Variants in GPC6 observed in about 807,000 individuals in gnomAD.
The protein encoded by GPC6 is glypican-6.
GPC6 carries 14 observed loss-of-function variants against 55.2 expected under a neutral mutation model. The ratio of observed to expected loss-of-function variants is 0.25; its 90% CI spans 0.17 to 0.40. The LOEUF (loss-of-function observed/expected upper bound fraction) is 0.40, where lower values mean the gene tolerates loss of function less well. GPC6 is among the 10% of genes least tolerant of loss of function. GPC6 has a pLI of 1.00. For synonymous variants in GPC6, 278 were observed against 259.6 expected, an observed-to-expected ratio of 1.07 and a Z score of -0.68; for missense variants, 641 against 708.5, an observed-to-expected ratio of 0.90 and a Z score of 1.08.
intron 4 of GPC6, among the ~76,000 whole-genome samples, chr13:94,093,514 T>C (rs1256909260): frequency 6.6e-6 from 1 of 152,126 alleles, no homozygotes; most frequent in Non-Finnish European, 1.5e-5. Context: ...AACTCAGTAG[T>C]ATATTTTGAA....
At chr13:94,313,400 G>A (rs771500088) in intron 6 of GPC6, among the ~76,000 whole-genome samples, 7 of 152,220 alleles carry the variant, frequency 4.6e-5, no homozygotes, top group Non-Finnish European at 5.9e-5. Flanking sequence ...CCAATGGGCA[G>A]TGAACTATTT....
intron 3 of GPC6, among the ~76,000 whole-genome samples, chr13:93,881,521 T>G (rs1239663309): frequency 1.3e-5 from 2 of 151,998 alleles, no homozygotes; most frequent in African/African-American, 2.4e-5. Flanking sequence ...CAAGCAGCCT[T>G]GGTTTGTTTT....
intron 1 of GPC6, among the ~76,000 whole-genome samples, chr13:93,260,532 T>C (rs1328371): frequency 0.58 from 88,087 of 151,868 alleles, 26,271 homozygotes; most frequent in African/African-American, 0.7. Flanking sequence ...GAATGTCTGT[T>C]TTAATTGTTC....
At chr13:94,362,888 T>C (rs1256687796) in intron 6 of GPC6, among the ~76,000 whole-genome samples, 1 of 152,210 alleles carries the variant, frequency 6.6e-6, no homozygotes, top group Non-Finnish European at 1.5e-5. Context: ...AAAAACTTTA[T>C]TTTACTTTAA....
intron 1 of GPC6, among the ~76,000 whole-genome samples, chr13:93,353,277 G>T (rs1195100231): frequency 2.6e-5 from 4 of 152,140 alleles, no homozygotes; most frequent in African/African-American, 9.7e-5. Context: ...GGGATTAGAT[G>T]CCTTCACCTG....
In GPC6 at chr13:93,760,507, G is replaced by A. The variant is rs187750784; in HGVS notation, c.320-69647G>A. 9.2e-5 allele frequency among the ~76,000 whole-genome samples: 14 copies of A among 152,250 alleles called. No homozygotes were observed. The East Asian group carries it at 1.9e-3, about 21-fold the overall frequency. On this transcript the variant is annotated intron_variant, in intron 2 of 8. Coordinates refer to ENST00000377047, the MANE Select transcript of GPC6 (RefSeq NM_005708.5). ...CAGGCAACTTCAAGCTTCAGAGCTC[G>A]GAGGGCATCCAGAGCATGGCCTGCA...
At chr13:94,376,670 G>A (rs1161001167) in intron 6 of GPC6, among the ~76,000 whole-genome samples, 1 of 152,056 alleles carries the variant, frequency 6.6e-6, no homozygotes, top group African/African-American at 2.4e-5. Context: ...AGCTACCAAT[G>A]ACTTCCTTCA....
intron 1 of GPC6, among the ~76,000 whole-genome samples, chr13:93,345,673 T>A (rs1367917071): frequency 1.3e-5 from 2 of 152,200 alleles, no homozygotes; most frequent in Non-Finnish European, 2.9e-5. Flanking sequence ...GAATGCATAA[T>A]GCATGCAATA....
intron 1 of GPC6, among the ~76,000 whole-genome samples, chr13:93,509,692 A>C (rs1880872647): frequency 6.6e-6 from 1 of 152,242 alleles, no homozygotes; most frequent in Non-Finnish European, 1.5e-5. Context: ...GGCTCTTTGA[A>C]GTATGGATTT....
At chr13:94,101,857 T>G (rs1885874746) in intron 4 of GPC6, among the ~76,000 whole-genome samples, 1 of 152,078 alleles carries the variant, frequency 6.6e-6, no homozygotes. Context: ...AATAGAAAGT[T>G]TATGGAAAGA....
At chr13:94,387,557 T>A (rs1880461752) in intron 7 of GPC6, among the ~76,000 whole-genome samples, 1 of 152,162 alleles carries the variant, frequency 6.6e-6, no homozygotes, top group African/African-American at 2.4e-5. Context: ...AAATGCAGAT[T>A]CTGATTCAGT....
chr13:93,342,169 T>C (rs920533246), intron 1 of GPC6, among the ~76,000 whole-genome samples: 5 of 151,988 alleles, frequency 3.3e-5, no homozygotes, highest in Non-Finnish European at 7.4e-5. Flanking sequence ...GAGGTTAGGA[T>C]TGAGTTGGGC....
chr13:93,589,119 G>GAAAA (rs1475645962), intron 2 of GPC6, among the ~76,000 whole-genome samples: 1 of 152,094 alleles, frequency 6.6e-6, no homozygotes, highest in African/African-American at 2.4e-5. Flanking sequence ...CAGAAAGTTG[G>GAAAA]AAAAAGAGTA....
At chr13:93,875,093 C>G (rs1889250156) in intron 3 of GPC6, among the ~76,000 whole-genome samples, 2 of 151,898 alleles carry the variant, frequency 1.3e-5, no homozygotes, top group Admixed American at 1.3e-4. Flanking sequence ...GTTGGGCTTT[C>G]TTCCATGCTA....
At chr13:94,163,313 T>A (rs1888233109) in intron 4 of GPC6, among the ~76,000 whole-genome samples, 1 of 152,100 alleles carries the variant, frequency 6.6e-6, no homozygotes, top group African/African-American at 2.4e-5. Flanking sequence ...TTTTGTTTCA[T>A]CTCCATCCCC....
chr13:93,819,614 A>G (rs912874809), intron 2 of GPC6, among the ~76,000 whole-genome samples: 3 of 152,218 alleles, frequency 2.0e-5, no homozygotes, highest in African/African-American at 4.8e-5. Flanking sequence ...GGAAACTGCA[A>G]TGATGAAAGT....
intron 6 of GPC6, among the ~76,000 whole-genome samples, chr13:94,355,052 T>G (rs1878727149): frequency 6.6e-6 from 1 of 150,510 alleles, no homozygotes; most frequent in Non-Finnish European, 1.5e-5. Flanking sequence ...AGACAGAGTC[T>G]CACTCTTGTT....
At chr13:94,105,214 C>G (rs1886009253) in intron 4 of GPC6, among the ~76,000 whole-genome samples, 1 of 152,040 alleles carries the variant, frequency 6.6e-6, no homozygotes, top group African/African-American at 2.4e-5. Context: ...TAAAAATTAT[C>G]TGGATGTAGT....
intron 1 of GPC6, among the ~76,000 whole-genome samples, chr13:93,481,497 G>C (rs1390503044): frequency 1.3e-5 from 2 of 152,002 alleles, no homozygotes; most frequent in Admixed American, 6.6e-5. Context: ...TTATAGCTAA[G>C]AATCCAAGAT....
Sources: allele counts gnomAD v4.1 joint callset (sites outside exome capture counted in the v4.1 genomes callset), GRCh38; gene constraint gnomAD v4.1.1; transcripts MANE v1.5; gene names NCBI Gene and HGNC (gene_info 2026-07-23, HGNC 2026-07-21).